Variants in RTL9 observed in about 807,000 individuals in gnomAD.
RTL9 encodes retrotransposon Gag like 9, also known as retrotransposon Gag-like protein 9.
Under a neutral mutation model 44.7 loss-of-function variants are expected in RTL9, and 19 were observed. The ratio of observed to expected loss-of-function variants is 0.42; its 90% CI spans 0.30 to 0.62. The LOEUF is 0.62. Ranked by LOEUF, RTL9 falls within the 20% of genes least tolerant of loss-of-function variation. The pLI is 0.16. For synonymous variants in RTL9, 407 were observed against 398.9 expected (o/e 1.02, Z -0.24); for missense variants, 1,105 against 1,080.6 (o/e 1.02, Z -0.32).
intron 1 of RTL9, among the ~76,000 whole-genome samples, chrX:110,431,323 C>A (rs866827455): frequency 1.1e-5 from 1 of 94,949 alleles, no homozygotes; most frequent in Admixed American, 1.1e-4. Flanking sequence ...GAGGGGAAGG[C>A]TGTGTGTGTG....
chrX:110,382,960 T>C (rs760314935), intron 1 of RTL9, among the ~76,000 whole-genome samples: 3 of 112,056 alleles, frequency 2.7e-5, no homozygotes, highest in Admixed American at 9.4e-5. Flanking sequence ...TAAGGTACAG[T>C]AGAACTCACT....
chrX:110,432,969 C>G (rs943183918), intron 1 of RTL9, among the ~76,000 whole-genome samples: 11 of 112,754 alleles, frequency 9.8e-5, no homozygotes, highest in African/African-American at 3.5e-4. Flanking sequence ...CTAACCCAGA[C>G]AGTCAGTGGC....
chrX:110,451,654 T>C, exon 1 of RTL9: 2 of 1,211,560 alleles, frequency 1.7e-6, no homozygotes, highest in Non-Finnish European at 2.2e-6. Flanking sequence ...GCTGAAGCAA[T>C]GTCCCCAGCA....
In RTL9 at chrX:110,453,052, C is replaced by T. The variant is rs138630207; in HGVS notation, c.2435C>T (p.Ser812Phe). 5.5e-4 allele frequency: 663 copies of T among 1,208,748 alleles called. No homozygotes were observed. The highest frequency in any genetic ancestry group is 7.2e-4 in the Non-Finnish European group (648 of 894,826). ...GGAGAGATAGCCACGCCTCTGAGAT[C>T]CCCAGCTTATGGAGCCATGTCTGCT... The change falls in exon 1 of 2, where the codon TCC (serine) becomes TTC (phenylalanine). Residue 812 changes from serine to phenylalanine, a missense_variant. By Grantham distance (155) the Ser-to-Phe change is radical. Transcript: ENST00000540313.
intron 1 of RTL9, among the ~76,000 whole-genome samples, chrX:110,381,580 C>G (rs1212033913): frequency 3.6e-5 from 4 of 111,487 alleles, no homozygotes; most frequent in Non-Finnish European, 7.5e-5. Flanking sequence ...GGGTATATAT[C>G]CAAAGGAAAA....
chrX:110,455,376 G>A, exon 2 of RTL9: 1 of 1,186,743 alleles, frequency 8.4e-7, no homozygotes, highest in African/African-American at 1.8e-5. Flanking sequence ...CTGGAGGACT[G>A]GTTCCTGGAC....
upstream of RTL9, among the ~76,000 whole-genome samples, chrX:110,448,776 C>G (rs2068922875): frequency 9.1e-6 from 1 of 110,073 alleles, no homozygotes; most frequent in Non-Finnish European, 1.9e-5. Context: ...CTTTAATGAA[C>G]TGGCTGGGCA....
intron 1 of RTL9, chrX:110,440,263 G>A (rs1015564252): frequency 8.9e-6 from 1 of 111,949 alleles, no homozygotes; most frequent in Non-Finnish European, 1.9e-5. Context: ...ACCCGAAAAC[G>A]GGTCCAGGGT....
intron 1 of RTL9, among the ~76,000 whole-genome samples, chrX:110,420,327 G>C (rs1292962940): frequency 8.9e-6 from 1 of 112,180 alleles, no homozygotes; most frequent in Non-Finnish European, 1.9e-5. Flanking sequence ...AATATTCGTT[G>C]AATGAGCAAA....
chrX:110,396,482 C>T (rs2068529248), intron 1 of RTL9, among the ~76,000 whole-genome samples: 1 of 112,191 alleles, frequency 8.9e-6, no homozygotes, highest in Non-Finnish European at 1.9e-5. Flanking sequence ...AAACCATGCT[C>T]TTGAGCACTA....
chrX:110,382,287 T>C (rs2148275986), intron 1 of RTL9, among the ~76,000 whole-genome samples: 1 of 109,971 alleles, frequency 9.1e-6, no homozygotes, highest in South Asian at 3.9e-4. Flanking sequence ...ACGAACTTTA[T>C]TGAACAGAAG....
intron 1 of RTL9, among the ~76,000 whole-genome samples, chrX:110,377,015 C>A (rs751121891): frequency 6.3e-5 from 7 of 111,954 alleles, no homozygotes; most frequent in Non-Finnish European, 1.3e-4. Context: ...CTAACTACAG[C>A]ACTGCAGTAG....
intron 1 of RTL9, among the ~76,000 whole-genome samples, chrX:110,444,751 A>ACCT (rs1274945803): frequency 8.9e-6 from 1 of 112,209 alleles, no homozygotes; most frequent in Non-Finnish European, 1.9e-5. Context: ...ACCTCTAGGT[A>ACCT]CCTCCTATTG....
chrX:110,379,665 T>G (rs1031409815), intron 1 of RTL9, among the ~76,000 whole-genome samples: 8 of 112,237 alleles, frequency 7.1e-5, no homozygotes, highest in Non-Finnish European at 1.5e-4. Flanking sequence ...CACATGCACA[T>G]GCACATGTAA....
chrX:110,423,554 A>G (rs140960261), intron 1 of RTL9, among the ~76,000 whole-genome samples: 1 of 111,814 alleles, frequency 8.9e-6, no homozygotes, highest in East Asian at 2.8e-4. Context: ...TCAGTTCTCA[A>G]CCACTTTAAC....
chrX:110,385,658 G>T (rs2148279980), intron 1 of RTL9, among the ~76,000 whole-genome samples: 1 of 111,843 alleles, frequency 8.9e-6, no homozygotes, highest in Non-Finnish European at 1.9e-5. Context: ...TAGCATAACT[G>T]TCTTTTAAAA....
upstream of RTL9, among the ~76,000 whole-genome samples, chrX:110,415,791 C>A (rs189095632): frequency 0.01 from 1,143 of 111,657 alleles, 6 homozygotes; most frequent in African/African-American, 0.021. Flanking sequence ...TTTTGTCCTG[C>A]AAAGTGACTT....
intron 1 of RTL9, among the ~76,000 whole-genome samples, chrX:110,367,526 A>G (rs188190512): frequency 2.3e-3 from 260 of 111,458 alleles, no homozygotes; most frequent in Non-Finnish European, 3.7e-3. Context: ...CTTGGCTTCC[A>G]GGACACCATG....
chrX:110,428,830 C>T (rs1439787157), intron 1 of RTL9, among the ~76,000 whole-genome samples: 2 of 112,009 alleles, frequency 1.8e-5, no homozygotes, highest in Non-Finnish European at 3.8e-5. Context: ...TGTGGAACCC[C>T]GTGTTAAAAT....
Sources: gnomAD v4.1 joint callset for allele counts (sites outside exome capture counted in the v4.1 genomes callset) on GRCh38, gnomAD v4.1.1 for gene constraint, MANE v1.5 for transcripts, NCBI Gene and HGNC (gene_info 2026-07-23, HGNC 2026-07-21) for gene names.